ABCA13: variants seen among roughly 807,000 people sequenced by gnomAD.
ABCA13 encodes ATP binding cassette subfamily A member 13.
ABCA13 carries 476 observed loss-of-function variants against 478.7 expected under a neutral mutation model. The observed-to-expected ratio is 0.99, with a 90% confidence interval of 0.92 to 1.07. The LOEUF is 1.07. ABCA13 is among the 50% of genes least tolerant of loss of function. The pLI is 0.00. For missense variants in ABCA13, 6,060 were observed against 5,910.6 expected (o/e 1.03, Z -0.83); for synonymous variants, 2,252 against 2,158.9 (o/e 1.04, Z -1.20).
chr7:48,309,956 A>C lies in ABCA13; in HGVS notation c.9331A>C (p.Ser3111Arg), dbSNP rs757588329. The change falls in exon 24 of 62, where the codon AGT becomes CGT. Residue 3111 changes from serine (S) to arginine (R), a missense_variant. By Grantham distance (110) the Ser-to-Arg change is moderately radical (BLOSUM62 -1). Transcript: ENST00000435803. ...ANISHSKVLF[S>R]ALTVALSGKC... ...CTGTGCTTTGAAACAGGTTCTCTTC[A>C]GTGCCCTCACCGTAGCTCTGTCTGG... The C allele has an allele frequency of 2.5e-6, 4 of 1,613,890 alleles. No homozygotes were observed. Among genetic ancestry groups the C allele is most frequent in the Admixed American group, 3.3e-5 (2 of 60,020 alleles).
chr7:48,330,563 A>C (rs1220740826), intron 27 of ABCA13, among the ~76,000 whole-genome samples: 1 of 148,572 alleles, frequency 6.7e-6, no homozygotes, highest in East Asian at 2.0e-4. Flanking sequence ...CCATCCACAC[A>C]TCCATCCATC....
In ABCA13 at chr7:48,172,797, C is replaced by CAAAAAAA. The variant is rs36196847; in HGVS notation, c.69+1277_69+1283dup. 3.3e-4 allele frequency among the ~76,000 whole-genome samples: 25 copies of CAAAAAAA among 75,542 alleles called. 3 individuals carry two copies. Among genetic ancestry groups the CAAAAAAA allele is most frequent in the African/African-American group, 1.3e-3 (24 of 18,616 alleles). 49.6% of individuals were successfully genotyped at this position (75,542 alleles called of 152,430 possible). ...TGGGCGACAGAGCGAGACTCCGTCT[C>CAAAAAAA]AAAAAAAAAAAAAAAAAAAAAAAAA... On this transcript the variant is annotated intron_variant, in intron 1 of 61. Coordinates refer to ENST00000435803, the MANE Select transcript of ABCA13 (RefSeq NM_152701.5).
At chr7:48,502,271 A>G (rs1244882860) in intron 48 of ABCA13, among the ~76,000 whole-genome samples, 2 of 152,220 alleles carry the variant, frequency 1.3e-5, no homozygotes, top group African/African-American at 2.4e-5. Context: ...AAACCCTAAA[A>G]GAATGACACA....
At chr7:48,600,723 T>C (rs534119782) in intron 58 of ABCA13, among the ~76,000 whole-genome samples, 1 of 152,276 alleles carries the variant, frequency 6.6e-6, no homozygotes, top group African/African-American at 2.4e-5. Flanking sequence ...TTTTATATGC[T>C]ATAAATCCAA....
chr7:48,227,500 A>T lies in ABCA13; in HGVS notation c.632+75A>T, dbSNP rs557074561. The T allele has an allele frequency of 2.7e-6, 4 of 1,491,708 alleles. No homozygotes were observed. The African/African-American group carries it at 4.2e-5, about 16-fold the overall frequency. The allele number at this position is 1,491,708 out of a possible 1,614,324, so 92.4% of individuals were successfully genotyped here. A position where few individuals can be genotyped will look rare whatever the true frequency, so the allele number is the denominator to read the frequency against. On this transcript the variant is annotated intron_variant, in intron 6 of 61. Coordinates refer to ENST00000435803, the MANE Select transcript of ABCA13 (RefSeq NM_152701.5). ...CCTTATTTTTAAAATGAGAAATAAA[A>T]ATTACTAATTGTTGGATTTAAAAAA...
chr7:48,587,645 A>T (rs1451329441), intron 57 of ABCA13, among the ~76,000 whole-genome samples: 1 of 151,966 alleles, frequency 6.6e-6, no homozygotes, highest in African/African-American at 2.4e-5. Context: ...ATGTATGTTT[A>T]TCACAGCAGT....
chr7:48,229,757 C>A, intron 6 of ABCA13, 68 bp from the exon 7 acceptor site: 1 of 1,588,580 alleles, frequency 6.3e-7, no homozygotes, highest in African/African-American at 1.3e-5. Context: ...GTAAGTAAAC[C>A]TAGAATTGAT....
Position 48,403,783 on chromosome 7 carries a change from G to A in ABCA13, c.11974G>A (p.Gly3992Ser), listed in dbSNP as rs764661541. The change falls in exon 39 of 62, where the codon GGC becomes AGC. Residue 3992 changes from glycine (G) to serine (S), a missense_variant. This residue lies in a region of ABCA13 where 1,627 missense variants were observed against 1,571.0 expected (regional missense o/e 1.04). Transcript: ENST00000435803. ...GCTCTCCCTTGGCATTGCTTTCATG[G>A]GCATGTCGAGGACCGTGGTTCTGGA... is the stretch of plus-strand genomic sequence containing the variant. ...RKLSLGIAFM[G>S]MSRTVVLDEP... The A allele has an allele frequency of 1.2e-6, 2 of 1,613,978 alleles. No homozygotes were observed. Among genetic ancestry groups the A allele is most frequent in the Non-Finnish European group, 1.7e-6 (2 of 1,179,874 alleles).
chr7:48,422,190 G>T (rs1180454641), intron 41 of ABCA13, among the ~76,000 whole-genome samples: 1 of 150,074 alleles, frequency 6.7e-6, no homozygotes, highest in Non-Finnish European at 1.5e-5. Context: ...CCTGTTTGTT[G>T]TTGTTTTTTT....
chr7:48,380,961 C>G (rs559535900), intron 35 of ABCA13, among the ~76,000 whole-genome samples: 92 of 152,336 alleles, frequency 6.0e-4, no homozygotes, highest in Middle Eastern at 3.4e-3. Context: ...GGGACAGACT[C>G]TCTCCCGAAG....
chr7:48,206,588 G>T (rs1784953422), intron 3 of ABCA13, among the ~76,000 whole-genome samples: 1 of 148,426 alleles, frequency 6.7e-6, no homozygotes, highest in Admixed American at 6.7e-5. Context: ...GTTCTTTTCT[G>T]TTTTTTTGGT....
chr7:48,603,558 C>T (rs187536952), intron 58 of ABCA13, among the ~76,000 whole-genome samples: 1 of 152,168 alleles, frequency 6.6e-6, no homozygotes, highest in Non-Finnish European at 1.5e-5. Context: ...TTGAACCAGC[C>T]TTGCATCCCA....
At position 48,371,850 on chromosome 7, in the gene ABCA13, C is replaced by T. The variant is rs181421487; in HGVS notation, c.10804-318C>T. Among the ~76,000 whole-genome samples, 43 of 152,314 alleles carry T rather than the reference C, an allele frequency of 2.8e-4. 1 individual carries two copies. Among genetic ancestry groups the T allele is most frequent in the African/African-American group, 9.4e-4 (39 of 41,568 alleles). On this transcript the variant is annotated intron_variant, in intron 32 of 61. Transcript: ENST00000435803. ...GTTGAATAGGAGTGGTGAGAGAGGG[C>T]ATCCTTGTCCTGTGCCAGTTTTTAA... is the stretch of plus-strand genomic sequence containing the variant.
intron 27 of ABCA13, among the ~76,000 whole-genome samples, chr7:48,323,239 G>A (rs573204600): frequency 2.6e-4 from 40 of 152,268 alleles, no homozygotes; most frequent in African/African-American, 8.9e-4. Flanking sequence ...GCTTCATGAG[G>A]GGCAGGAGCT....
intron 41 of ABCA13, among the ~76,000 whole-genome samples, chr7:48,422,055 CAAAAAAAAA>C (rs4022355): frequency 0.013 from 1,011 of 80,578 alleles, 4 homozygotes; most frequent in South Asian, 0.027. Context: ...GTCTTTCTTA[CAAAAAAAAA>C]AAAAAAAAAA....
intron 42 of ABCA13, among the ~76,000 whole-genome samples, chr7:48,440,668 G>T (rs1345284938): frequency 6.6e-6 from 1 of 151,802 alleles, no homozygotes; most frequent in Non-Finnish European, 1.5e-5. Context: ...TTGTTATCGT[G>T]AGAAGTTAGA....
In ABCA13 at chr7:48,528,342, TG is replaced by T; in HGVS notation, c.14354+1del. On this transcript the variant is annotated frameshift_variant and splice_region_variant, in exon 55 of 62. Coordinates refer to ENST00000435803, the MANE Select transcript of ABCA13 (RefSeq NM_152701.5). LOFTEE classifies it high-confidence loss of function. ...TSGHAIIRTPMGDAVDLSSAG... is the reference protein window; with the variant it reads ...TSGHAIIRTPXGDAVDLSSAG... ...GGACATGCTATCATCAGGACTCCCATGGGGTAAGATACAGATTTCATCATTT... is the reference window on the plus strand; with the variant it reads ...GGACATGCTATCATCAGGACTCCCATGGGTAAGATACAGATTTCATCATTT... 6.5e-7 allele frequency: 1 copy of T among 1,549,848 alleles called. No individual in the cohort carries two copies.
At chr7:48,222,683 C>T (rs539368540) in intron 5 of ABCA13, among the ~76,000 whole-genome samples, 8 of 152,102 alleles carry the variant, frequency 5.3e-5, no homozygotes, top group South Asian at 4.2e-4. Context: ...AAAAACATTT[C>T]GGTGCAAAGA....
chr7:48,427,628 A>G, intron 41 of ABCA13, 138 bp from the exon 42 acceptor site: 3 of 618,850 alleles, frequency 4.8e-6, no homozygotes, highest in Non-Finnish European at 8.6e-6. Flanking sequence ...TGCCAATTAA[A>G]TGGATGGCTA....
Sources: gnomAD v4.1 joint callset for allele counts (sites outside exome capture counted in the v4.1 genomes callset) on GRCh38, gnomAD v4.1.1 for gene constraint, gnomAD v4.1.1 regional missense constraint, MANE v1.5 for transcripts, NCBI Gene and HGNC (gene_info 2026-07-23, HGNC 2026-07-21) for gene names.